The following DNAH6 variants were observed in gnomAD, a reference collection of about 807,000 sequenced individuals.
DNAH6 encodes the protein axonemal beta dynein heavy chain 6.
In DNAH6, 340 loss-of-function variants were observed where a neutral mutation model predicts 491.4. The ratio of observed to expected loss-of-function variants is 0.69; its 90% CI spans 0.63 to 0.76. The LOEUF (loss-of-function observed/expected upper bound fraction) is 0.76. Among genes scored for constraint, DNAH6 ranks in the 30% least tolerant of loss-of-function variants. The probability of loss-of-function intolerance (pLI) is 0.00; values close to 1 mark genes in which losing one functional copy is unlikely to be tolerated. For missense variants in DNAH6, 4,443 were observed against 4,972.2 expected (o/e 0.89, Z 3.20); for synonymous variants, 1,603 against 1,686.1 (o/e 0.95, Z 1.21).
intron 41 of DNAH6, among the ~76,000 whole-genome samples, chr2:84,679,808 T>C (rs1693606610): frequency 6.6e-6 from 1 of 152,256 alleles, no homozygotes. Flanking sequence ...GTATCATCCC[T>C]GTCCTCATGG....
intron 33 of DNAH6, among the ~76,000 whole-genome samples, chr2:84,647,616 T>A (rs143199255): frequency 4.1e-4 from 62 of 152,316 alleles, no homozygotes; most frequent in African/African-American, 1.3e-3. Context: ...CAACAAGGCA[T>A]GGATGACAGT....
intron 64 of DNAH6, among the ~76,000 whole-genome samples, chr2:84,772,502 C>T (rs1419191056): frequency 6.6e-6 from 1 of 151,824 alleles, no homozygotes; most frequent in African/African-American, 2.4e-5. Context: ...GCTGAAGTGG[C>T]TATAATAATA....
intron 10 of DNAH6, among the ~76,000 whole-genome samples, chr2:84,556,478 C>G (rs1045753670): frequency 6.6e-6 from 1 of 152,194 alleles, no homozygotes; most frequent in Non-Finnish European, 1.5e-5. Context: ...CTGATATACT[C>G]GACAAGCTCC....
Position 84,653,587 on chromosome 2 carries a change from T to A in DNAH6, c.5347T>A (p.Tyr1783Asn). The stretch of plus-strand genomic sequence containing the variant: ...AAAACTTGGGATAGAAAATTCCTTT[T>A]ACCAAGCAGTTAAAACATATGTTCT... ...LQKLGIENSFYQAVKTYVLNP... is the reference protein window; with the variant it reads ...LQKLGIENSFNQAVKTYVLNP... Residue 1783 changes from tyrosine to asparagine, a missense_variant, in exon 34 of 77, where the codon TAC becomes AAC. Coordinates refer to ENST00000389394, the MANE Select transcript of DNAH6 (RefSeq NM_001370.2). The A allele has an allele frequency of 6.4e-7, 1 of 1,551,370 alleles. No homozygotes were observed. The highest frequency in any genetic ancestry group is 2.4e-5 in the East Asian group (1 of 40,918).
At chr2:84,479,317 C>G in the DNAH6 span, among the ~76,000 whole-genome samples, 2 of 152,224 alleles carry the variant, frequency 1.3e-5, no homozygotes, top group Non-Finnish European at 2.9e-5. Context: ...GGAACCTTTT[C>G]TGCCCAGAAT....
chr2:84,708,481 G>GT (rs1215871308), intron 54 of DNAH6, among the ~76,000 whole-genome samples: 1 of 106,046 alleles, frequency 9.4e-6, no homozygotes, highest in Non-Finnish European at 1.9e-5. Flanking sequence ...AGAAAGGGGG[G>GT]GGGGAGGGAG....
intron 4 of DNAH6, among the ~76,000 whole-genome samples, chr2:84,538,748 A>G (rs1391066768): frequency 6.6e-6 from 1 of 152,120 alleles, no homozygotes; most frequent in Non-Finnish European, 1.5e-5. Flanking sequence ...ATCAACTTCT[A>G]CTTTAAGCTT....
At chr2:84,634,364 A>T in intron 29 of DNAH6, 140 bp from the exon 30 acceptor site, 1 of 792,810 alleles carries the variant, frequency 1.3e-6, no homozygotes, top group Non-Finnish European at 1.8e-6. Context: ...TTTACTTCTG[A>T]CATAGACCAG....
Position 84,704,321 on chromosome 2 carries a change from T to C in DNAH6, c.8465+19T>C. 6.7e-7 allele frequency: 1 copy of C among 1,500,318 alleles called. No individual in the cohort carries two copies. Among genetic ancestry groups the C allele is most frequent in the Non-Finnish European group, 9.1e-7 (1 of 1,100,996 alleles). 92.9% of individuals were successfully genotyped at this position (1,500,318 alleles called of 1,614,324 possible). A position where few individuals can be genotyped will look rare whatever the true frequency, so the allele number is the denominator to read the frequency against. On this transcript the variant is annotated intron_variant, in intron 51 of 76. Coordinates refer to ENST00000389394, the MANE Select transcript of DNAH6 (RefSeq NM_001370.2). ...ATGCCAAGTGAGTAATTCAGAGTCA[T>C]GTATTGCCATGATACCTGGTAAGAG...
chr2:84,710,873 GGAA>G (rs1444102495), intron 56 of DNAH6, among the ~76,000 whole-genome samples: 4 of 151,792 alleles, frequency 2.6e-5, no homozygotes, highest in East Asian at 1.9e-4. Flanking sequence ...AAGAAGAAGA[GGAA>G]GAAGAAGGGA....
intron 59 of DNAH6, among the ~76,000 whole-genome samples, chr2:84,720,801 T>C (rs1698071769): frequency 6.6e-6 from 1 of 152,214 alleles, no homozygotes; most frequent in African/African-American, 2.4e-5. Flanking sequence ...AGCCTTTTCC[T>C]ACAATTTTAT....
chr2:84,664,606 T>C (rs1691885767), intron 37 of DNAH6, among the ~76,000 whole-genome samples: 1 of 152,112 alleles, frequency 6.6e-6, no homozygotes, highest in Non-Finnish European at 1.5e-5. Flanking sequence ...AGCAAGTCCT[T>C]AGAGACCTAC....
chr2:84,557,218 G>A (rs1680124052), intron 10 of DNAH6, among the ~76,000 whole-genome samples: 2 of 151,948 alleles, frequency 1.3e-5, no homozygotes, highest in Non-Finnish European at 2.9e-5. Flanking sequence ...CAATTTTTTT[G>A]TCTCTCTCAA....
intron 34 of DNAH6, 60 bp downstream of exon 34, chr2:84,653,934 AT>A: frequency 2.2e-6 from 3 of 1,385,418 alleles, no homozygotes; most frequent in South Asian, 1.4e-5. Flanking sequence ...CTATCGTTAC[AT>A]TTTTTTCTCA....
At chr2:84,770,931 A>C (rs952975519) in intron 64 of DNAH6, among the ~76,000 whole-genome samples, 1 of 151,980 alleles carries the variant, frequency 6.6e-6, no homozygotes, top group Non-Finnish European at 1.5e-5. Context: ...TTGAGGTTCC[A>C]GTGATCTAAG....
chr2:84,600,278 C>T (rs1225532513), intron 18 of DNAH6, among the ~76,000 whole-genome samples: 1 of 152,086 alleles, frequency 6.6e-6, no homozygotes, highest in African/African-American at 2.4e-5. Context: ...AACAATAATA[C>T]CAAGGGTTCC....
intron 15 of DNAH6, among the ~76,000 whole-genome samples, chr2:84,588,449 T>C (rs1403096267): frequency 6.6e-6 from 1 of 152,246 alleles, no homozygotes; most frequent in Non-Finnish European, 1.5e-5. Context: ...ACAAAGGACT[T>C]TCCATTCCTT....
At chr2:84,506,892 T>C in the DNAH6 span, among the ~76,000 whole-genome samples, 1 of 152,100 alleles carries the variant, frequency 6.6e-6, no homozygotes, top group East Asian at 1.9e-4. Context: ...TGTGGCATTA[T>C]TTCTGAGGGC....
intron 52 of DNAH6, among the ~76,000 whole-genome samples, chr2:84,706,276 G>A (rs1409774912): frequency 1.3e-5 from 2 of 152,190 alleles, no homozygotes; most frequent in African/African-American, 2.4e-5. Context: ...TCTCTGCAGC[G>A]AGCACTCAGC....
Sources: allele counts gnomAD v4.1 joint callset (sites outside exome capture counted in the v4.1 genomes callset), GRCh38; gene constraint gnomAD v4.1.1; transcripts MANE v1.5; gene names NCBI Gene and HGNC (gene_info 2026-07-23, HGNC 2026-07-21).